Variants in AGBL4 observed in about 807,000 individuals in gnomAD.
AGBL4 encodes the protein AGBL carboxypeptidase 4.
AGBL4 carries 58 observed loss-of-function variants against 66.4 expected under a neutral mutation model. The observed-to-expected ratio is 0.87, with a 90% CI of 0.71 to 1.09. The LOEUF (loss-of-function observed/expected upper bound fraction) is 1.09, where lower values mean the gene tolerates loss of function less well. Among genes scored for constraint, AGBL4 ranks in the 50% least tolerant of loss-of-function variants. The pLI is 0.00. For missense variants in AGBL4, 579 were observed against 631.0 expected, an observed-to-expected ratio of 0.92 and a Z score of 0.88; for synonymous variants, 234 against 222.9, an observed-to-expected ratio of 1.05 and a Z score of -0.44.
At chr1:49,048,065 A>C (rs1644123560) in intron 4 of AGBL4, among the ~76,000 whole-genome samples, 1 of 152,038 alleles carries the variant, frequency 6.6e-6, no homozygotes, top group Non-Finnish European at 1.5e-5. Flanking sequence ...ATTTGGGGAG[A>C]ATGTCTGTGA....
chr1:49,645,480 T>C (rs558042525), intron 3 of AGBL4, among the ~76,000 whole-genome samples: 4 of 151,450 alleles, frequency 2.6e-5, no homozygotes, highest in Non-Finnish European at 5.9e-5. Context: ...ATACAAACTA[T>C]GAAACTCACA....
chr1:48,600,469 A>G (rs1645058057), intron 9 of AGBL4, among the ~76,000 whole-genome samples: 1 of 152,238 alleles, frequency 6.6e-6, no homozygotes, highest in Non-Finnish European at 1.5e-5. Context: ...GAGATCACAC[A>G]GTGGTAACTG....
intron 1 of AGBL4, among the ~76,000 whole-genome samples, chr1:49,889,365 AACTG>A (rs776860356): frequency 1.3e-5 from 2 of 152,190 alleles, no homozygotes; most frequent in East Asian, 3.8e-4. Flanking sequence ...CATTTTCATC[AACTG>A]ACTAATAAAA....
intron 3 of AGBL4, among the ~76,000 whole-genome samples, chr1:49,391,797 G>A (rs549662697): frequency 5.3e-5 from 8 of 152,086 alleles, no homozygotes; most frequent in South Asian, 2.1e-4. Flanking sequence ...TCCTGACCTC[G>A]TGATCTGCCC....
At chr1:49,115,306 A>G (rs550211122) in intron 4 of AGBL4, among the ~76,000 whole-genome samples, 2 of 152,322 alleles carry the variant, frequency 1.3e-5, no homozygotes, top group Admixed American at 1.3e-4. Context: ...TAGTATGTGT[A>G]TCTTTTCTGT....
chr1:48,721,135 T>C (rs1299307931), intron 6 of AGBL4, among the ~76,000 whole-genome samples: 6 of 151,974 alleles, frequency 3.9e-5, no homozygotes, highest in African/African-American at 1.5e-4. Flanking sequence ...TGCAAGGCCA[T>C]TTATAACTGG....
chr1:48,976,900 T>C (rs1659384013), intron 5 of AGBL4, among the ~76,000 whole-genome samples: 1 of 152,156 alleles, frequency 6.6e-6, no homozygotes, highest in African/African-American at 2.4e-5. Context: ...CTTTTTCCTT[T>C]CTTCAGCATG....
downstream of AGBL4, among the ~76,000 whole-genome samples, chr1:48,529,908 A>T (rs58067454): frequency 1.6e-3 from 246 of 152,228 alleles, 3 homozygotes; most frequent in African/African-American, 5.5e-3. Flanking sequence ...AAGGTCAGAC[A>T]GGTGTGTGGG....
At chr1:49,029,020 G>C (rs534691040) in intron 5 of AGBL4, among the ~76,000 whole-genome samples, 1 of 152,170 alleles carries the variant, frequency 6.6e-6, no homozygotes, top group African/African-American at 2.4e-5. Context: ...ACCCTTTCAT[G>C]ATAAAAATAC....
intron 1 of AGBL4, among the ~76,000 whole-genome samples, chr1:49,948,284 A>G (rs1373570988): frequency 2.7e-5 from 3 of 109,824 alleles, no homozygotes; most frequent in African/African-American, 1.2e-4. Context: ...ATAAATATAT[A>G]TAAATATATA....
chr1:49,848,068 T>C (rs1646201616), intron 2 of AGBL4, among the ~76,000 whole-genome samples: 1 of 151,990 alleles, frequency 6.6e-6, no homozygotes, highest in South Asian at 2.1e-4. Flanking sequence ...TACAATGAGA[T>C]ATCTTATACC....
chr1:48,615,759 C>T (rs1645308398), intron 9 of AGBL4, among the ~76,000 whole-genome samples: 1 of 152,142 alleles, frequency 6.6e-6, no homozygotes, highest in Non-Finnish European at 1.5e-5. Flanking sequence ...AAAATGGGGT[C>T]TCAGTTTGTT....
At chr1:50,002,187 A>T (rs1247276683) in intron 1 of AGBL4, among the ~76,000 whole-genome samples, 2 of 152,132 alleles carry the variant, frequency 1.3e-5, no homozygotes, top group African/African-American at 4.8e-5. Context: ...AATTAATGTG[A>T]AAGAGTACTC....
intron 3 of AGBL4, among the ~76,000 whole-genome samples, chr1:49,299,190 G>A (rs1644699228): frequency 6.6e-6 from 1 of 152,100 alleles, no homozygotes; most frequent in African/African-American, 2.4e-5. Flanking sequence ...AGGTTATAAA[G>A]CTAGTATATG....
At chr1:49,047,470 C>T (rs1644107947) in intron 4 of AGBL4, among the ~76,000 whole-genome samples, 2 of 152,098 alleles carry the variant, frequency 1.3e-5, no homozygotes, top group African/African-American at 4.8e-5. Context: ...AAATAACAGT[C>T]TTCTTATAAT....
Position 48,577,929 on chromosome 1 carries a change from C to G in AGBL4, c.1267+9075G>C, listed in dbSNP as rs377363577. On this transcript the variant is annotated intron_variant, in intron 11 of 13. Coordinates refer to ENST00000371839, the MANE Select transcript of AGBL4 (RefSeq NM_032785.4). ...GGAGGAAGGTTAGATAAAAACCTAA[C>G]AGGCAGAGTGGAGCGAACACACACT... Among the ~76,000 whole-genome samples the G allele has an allele frequency of 3.5e-4, 53 of 152,284 alleles. No individual in the cohort carries two copies. In the East Asian group the frequency reaches 5.6e-3, roughly 16 times the overall value.
At chr1:48,718,454 T>C (rs1355341788) in intron 6 of AGBL4, among the ~76,000 whole-genome samples, 2 of 152,178 alleles carry the variant, frequency 1.3e-5, no homozygotes, top group African/African-American at 4.8e-5. Context: ...ATGAAAATAA[T>C]TTAAAGACCC....
intron 4 of AGBL4, among the ~76,000 whole-genome samples, chr1:49,047,201 T>C (rs1214387479): frequency 6.6e-6 from 1 of 152,156 alleles, no homozygotes; most frequent in East Asian, 1.9e-4. Flanking sequence ...CATTTGATTA[T>C]ATTAAATTTA....
intron 6 of AGBL4, among the ~76,000 whole-genome samples, chr1:48,846,259 T>C (rs1041348457): frequency 2.0e-5 from 3 of 151,866 alleles, no homozygotes; most frequent in Admixed American, 2.0e-4. Context: ...TATGGGTCTG[T>C]AGTACTGCTA....
Sources: allele counts gnomAD v4.1 joint callset (sites outside exome capture counted in the v4.1 genomes callset), GRCh38; gene constraint gnomAD v4.1.1; transcripts MANE v1.5; gene names NCBI Gene and HGNC (gene_info 2026-07-23, HGNC 2026-07-21).